Variants in CNTNAP2 observed in about 807,000 individuals in gnomAD.
CNTNAP2 encodes the protein contactin-associated protein-like 2.
CNTNAP2 carries 98 observed loss-of-function variants against 155.2 expected under a neutral mutation model. The ratio of observed to expected loss-of-function variants is 0.63; its 90% CI spans 0.54 to 0.75. CNTNAP2 has a LOEUF of 0.75. Ranked by LOEUF, CNTNAP2 falls within the 30% of genes least tolerant of loss-of-function variation. The pLI, the probability that CNTNAP2 is intolerant of heterozygous loss-of-function variation, is 0.00. For missense variants in CNTNAP2, 1,727 were observed against 1,688.1 expected (o/e 1.02, Z -0.40); for synonymous variants, 651 against 631.2 (o/e 1.03, Z -0.47).
At chr7:148,230,663 G>A (rs1312679042) in intron 20 of CNTNAP2, among the ~76,000 whole-genome samples, 1 of 152,200 alleles carries the variant, frequency 6.6e-6, no homozygotes, top group Non-Finnish European at 1.5e-5. Flanking sequence ...TTTGAGCACT[G>A]GTGGATGTCA....
At chr7:146,565,900 T>C (rs778660503) in intron 1 of CNTNAP2, among the ~76,000 whole-genome samples, 19 of 152,266 alleles carry the variant, frequency 1.2e-4, no homozygotes, top group Non-Finnish European at 2.4e-4. Flanking sequence ...GATTATGGTA[T>C]ATTTATCCCA....
chr7:146,641,252 A>AG (rs1335187599), intron 1 of CNTNAP2, among the ~76,000 whole-genome samples: 2 of 152,154 alleles, frequency 1.3e-5, no homozygotes, highest in Non-Finnish European at 2.9e-5. Context: ...GCGTGAACCC[A>AG]GAGGCGGAGC....
rs117570809 is a variant in CNTNAP2, at chr7:148,010,458, T to C, written c.2383+32469T>C. Among the ~76,000 whole-genome samples, 52 of 152,076 alleles carry C rather than the reference T, an allele frequency of 3.4e-4. No individual in the cohort carries two copies. The East Asian group carries it at 8.5e-3, about 25-fold the overall frequency. ...TTTGTGCTTCATGCCTTTTTTCTTT[T>C]ATGATGTCTTTTTTCTTTTAAAAGT... On this transcript the variant is annotated intron_variant, in intron 15 of 23. Coordinates refer to ENST00000361727, the MANE Select transcript of CNTNAP2 (RefSeq NM_014141.6).
intron 13 of CNTNAP2, among the ~76,000 whole-genome samples, chr7:147,706,869 C>T (rs942450835): frequency 6.6e-6 from 1 of 151,838 alleles, no homozygotes; most frequent in Admixed American, 6.6e-5. Flanking sequence ...TTCAAAAGAC[C>T]GCTCTTAAAG....
chr7:147,444,525 C>CTTTTTTTTTTT (rs557707358), intron 10 of CNTNAP2, among the ~76,000 whole-genome samples: 1 of 131,878 alleles, frequency 7.6e-6, no homozygotes, highest in Non-Finnish European at 1.6e-5. Flanking sequence ...ATTAAATTTT[C>CTTTTTTTTTTT]TTTTTTTTTT....
At chr7:147,448,297 A>T (rs1797775888) in intron 10 of CNTNAP2, among the ~76,000 whole-genome samples, 2 of 152,106 alleles carry the variant, frequency 1.3e-5, no homozygotes, top group African/African-American at 4.8e-5. Context: ...GTCAATTAAG[A>T]TTTCCAAATT....
intron 14 of CNTNAP2, among the ~76,000 whole-genome samples, chr7:147,941,452 C>T (rs560234388): frequency 1.3e-5 from 2 of 152,306 alleles, no homozygotes; most frequent in South Asian, 4.1e-4. Flanking sequence ...TGGTAACACA[C>T]ACACCAACTT....
chr7:147,457,694 C>T (rs899005843), intron 10 of CNTNAP2, among the ~76,000 whole-genome samples: 24 of 151,662 alleles, frequency 1.6e-4, no homozygotes, highest in Admixed American at 1.6e-3. Context: ...ATGAGCAAGC[C>T]CTAGAAACAG....
At chr7:147,068,698 C>T (rs1266058880) in intron 4 of CNTNAP2, among the ~76,000 whole-genome samples, 1 of 152,216 alleles carries the variant, frequency 6.6e-6, no homozygotes, top group Non-Finnish European at 1.5e-5. Flanking sequence ...AGGAGGCTAT[C>T]TCCAATAGTC....
intron 1 of CNTNAP2, among the ~76,000 whole-genome samples, chr7:146,534,788 AT>A (rs1157638118): frequency 6.6e-6 from 1 of 151,706 alleles, no homozygotes; most frequent in East Asian, 2.0e-4. Flanking sequence ...TGTCTATTGC[AT>A]GCTTTACACT....
intron 3 of CNTNAP2, among the ~76,000 whole-genome samples, chr7:146,908,393 A>T (rs1302532286): frequency 6.7e-6 from 1 of 148,202 alleles, no homozygotes; most frequent in African/African-American, 2.5e-5. Flanking sequence ...TTGACCACAT[A>T]CTTGGAAGTA....
intron 1 of CNTNAP2, among the ~76,000 whole-genome samples, chr7:146,725,272 T>C (rs1285858559): frequency 6.6e-6 from 1 of 152,178 alleles, no homozygotes; most frequent in African/African-American, 2.4e-5. Context: ...ATTTCCACAC[T>C]AGGTTTCATT....
Position 147,855,884 on chromosome 7 carries a change from T to C in CNTNAP2, c.2099-47681T>C, listed in dbSNP as rs74579754. Among the ~76,000 whole-genome samples, 375 of 152,274 alleles carry C rather than the reference T, an allele frequency of 2.5e-3. 2 individuals are homozygous for C. Among genetic ancestry groups the C allele is most frequent in the African/African-American group, 8.7e-3 (362 of 41,560 alleles). ...GGTGTCTAAAAAGATGTTCTGCCCATGTCGATTTGAACACCTATTTTTTGT... is the reference window on the plus strand; with the variant it reads ...GGTGTCTAAAAAGATGTTCTGCCCACGTCGATTTGAACACCTATTTTTTGT... On this transcript the variant is annotated intron_variant, in intron 13 of 23. Transcript: ENST00000361727.
chr7:147,419,638 T>C lies in CNTNAP2; in HGVS notation c.1670+23858T>C, dbSNP rs79503839. On this transcript the variant is annotated intron_variant, in intron 10 of 23. Coordinates refer to ENST00000361727, the MANE Select transcript of CNTNAP2 (RefSeq NM_014141.6). ...TGAGCTTAAATTTTGGCTTCCAGTTTCTTGGAAGCTTTCTTACAGGGTTAG... is the reference window on the plus strand; with the variant it reads ...TGAGCTTAAATTTTGGCTTCCAGTTCCTTGGAAGCTTTCTTACAGGGTTAG... Among the ~76,000 whole-genome samples, 1,314 of 152,304 alleles carry C rather than the reference T, an allele frequency of 8.6e-3. 21 individuals carry two copies. Among genetic ancestry groups the C allele is most frequent in the African/African-American group, 0.03 (1,256 of 41,562 alleles).
At chr7:147,413,995 A>C (rs931391213) in intron 10 of CNTNAP2, among the ~76,000 whole-genome samples, 1 of 152,220 alleles carries the variant, frequency 6.6e-6, no homozygotes, top group Non-Finnish European at 1.5e-5. Flanking sequence ...AGGCTGTAGG[A>C]ACCAACTGAA....
intron 11 of CNTNAP2, among the ~76,000 whole-genome samples, chr7:147,527,376 T>C (rs750783964): frequency 5.4e-4 from 82 of 152,182 alleles, no homozygotes; most frequent in Non-Finnish European, 2.2e-4. Flanking sequence ...GGTTTAGAAA[T>C]CTTAGAGAGC....
intron 15 of CNTNAP2, among the ~76,000 whole-genome samples, chr7:148,078,402 C>T (rs1478043665): frequency 6.6e-6 from 1 of 152,158 alleles, no homozygotes; most frequent in Non-Finnish European, 1.5e-5. Context: ...CATAATTTTC[C>T]TGTTCTCTAT....
At chr7:147,631,075 T>G (rs1478857229) in intron 12 of CNTNAP2, among the ~76,000 whole-genome samples, 2 of 152,102 alleles carry the variant, frequency 1.3e-5, no homozygotes, top group Non-Finnish European at 2.9e-5. Context: ...TAGAAAACCC[T>G]AAAGATTCAT....
intron 15 of CNTNAP2, among the ~76,000 whole-genome samples, chr7:148,049,194 G>A (rs1367200411): frequency 2.0e-5 from 3 of 152,258 alleles, no homozygotes; most frequent in Non-Finnish European, 2.9e-5. Flanking sequence ...CAGCCTGGGC[G>A]ACAAGAGCAA....
Sources: gnomAD v4.1 joint callset for allele counts (sites outside exome capture counted in the v4.1 genomes callset) on GRCh38, gnomAD v4.1.1 for gene constraint, MANE v1.5 for transcripts, NCBI Gene and HGNC (gene_info 2026-07-23, HGNC 2026-07-21) for gene names.